The following PTPRT variants were observed in gnomAD, a reference collection of about 807,000 sequenced individuals.
The protein encoded by PTPRT is protein tyrosine phosphatase receptor type T.
PTPRT carries 56 observed loss-of-function variants against 176.8 expected under a neutral mutation model. The observed-to-expected ratio is 0.32, with a 90% confidence interval of 0.26 to 0.40. PTPRT has a LOEUF of 0.40. Among genes scored for constraint, PTPRT ranks in the 10% least tolerant of loss-of-function variants. The pLI is 1.00. For missense variants in PTPRT, 1,540 were observed against 1,908.2 expected (o/e 0.81, Z 3.60); for synonymous variants, 783 against 739.0 (o/e 1.06, Z -0.96).
At chr20:42,282,331 A>T (rs1355957382) in intron 13 of PTPRT, among the ~76,000 whole-genome samples, 158 bp downstream of exon 13, 1 of 152,086 alleles carries the variant, frequency 6.6e-6, no homozygotes, top group Non-Finnish European at 1.5e-5. Context: ...ACTAATATAC[A>T]CCCTAGAATG....
chr20:42,645,800 G>T (rs1341015472), intron 7 of PTPRT, among the ~76,000 whole-genome samples: 2 of 148,612 alleles, frequency 1.3e-5, no homozygotes, highest in Non-Finnish European at 1.5e-5. Flanking sequence ...GTGTGTGTGT[G>T]TGTAGGGAGG....
In PTPRT at chr20:42,639,920, A is replaced by T. The variant is rs527846110; in HGVS notation, c.1153+37946T>A. Among the ~76,000 whole-genome samples the T allele has an allele frequency of 3.3e-5, 5 of 152,230 alleles. No homozygotes were observed. In the South Asian group the frequency reaches 8.3e-4, roughly 25 times the overall value. On this transcript the variant is annotated intron_variant, in intron 7 of 30. Transcript: ENST00000373187. ...ATTGTCTACGCCGCTTCTGCTTTAC[A>T]AAATAACCAGAAAATCCCTCTCCCC...
intron 9 of PTPRT, among the ~76,000 whole-genome samples, chr20:42,397,038 C>T (rs2058857910): frequency 6.6e-6 from 1 of 152,156 alleles, no homozygotes; most frequent in South Asian, 2.1e-4. Flanking sequence ...TTTTACCTGA[C>T]AGCATTATTG....
intron 6 of PTPRT, among the ~76,000 whole-genome samples, chr20:42,729,979 A>G (rs895783822): frequency 6.6e-6 from 1 of 152,176 alleles, no homozygotes; most frequent in Non-Finnish European, 1.5e-5. Context: ...CTGTGCTATG[A>G]GCCCAGCATA....
chr20:42,227,600 GTTTTTTTT>G (rs10854224), intron 15 of PTPRT, among the ~76,000 whole-genome samples: 1 of 61,868 alleles, frequency 1.6e-5, no homozygotes, highest in Non-Finnish European at 2.8e-5. Flanking sequence ...GTCCCTCATT[GTTTTTTTT>G]TTTTTTTTTT....
At chr20:42,945,399 C>A (rs924908150) in intron 1 of PTPRT, among the ~76,000 whole-genome samples, 3 of 152,130 alleles carry the variant, frequency 2.0e-5, no homozygotes, top group African/African-American at 7.2e-5. Context: ...TTAAATCCGG[C>A]CACTGAGGAG....
At chr20:42,579,255 T>C (rs2073326854) in intron 7 of PTPRT, among the ~76,000 whole-genome samples, 1 of 152,110 alleles carries the variant, frequency 6.6e-6, no homozygotes, top group African/African-American at 2.4e-5. Flanking sequence ...TTTTTATGAC[T>C]GCATAGTATT....
intron 1 of PTPRT, among the ~76,000 whole-genome samples, chr20:43,074,007 A>G (rs1465601443): frequency 6.6e-6 from 1 of 152,030 alleles, no homozygotes; most frequent in Non-Finnish European, 1.5e-5. Context: ...TCTCACATCA[A>G]TCTCCCAAAG....
chr20:42,368,528 C>T (rs2058545232), intron 9 of PTPRT, among the ~76,000 whole-genome samples: 1 of 152,110 alleles, frequency 6.6e-6, no homozygotes, highest in African/African-American at 2.4e-5. Context: ...TAAAGTCACA[C>T]AAACTCTTTA....
At chr20:42,318,532 T>C (rs1381720861) in intron 11 of PTPRT, among the ~76,000 whole-genome samples, 1 of 152,182 alleles carries the variant, frequency 6.6e-6, no homozygotes, top group Non-Finnish European at 1.5e-5. Context: ...GACAACCTCT[T>C]GGGCTCTCCT....
intron 1 of PTPRT, among the ~76,000 whole-genome samples, chr20:43,123,235 A>C (rs2013330693): frequency 1.3e-5 from 2 of 152,214 alleles, no homozygotes; most frequent in South Asian, 4.1e-4. Context: ...GAGGTGGATA[A>C]ATCAACACAA....
intron 3 of PTPRT, among the ~76,000 whole-genome samples, chr20:42,788,079 C>T (rs1389503715): frequency 6.6e-6 from 1 of 152,056 alleles, no homozygotes; most frequent in Non-Finnish European, 1.5e-5. Flanking sequence ...TAATTTGTCT[C>T]AAAACATCTA....
rs510892 is a variant in PTPRT, at chr20:42,906,136, G to T, written c.89-20204C>A. Among the ~76,000 whole-genome samples the T allele has an allele frequency of 4.4e-3, 666 of 152,250 alleles. 6 individuals carry two copies. Among genetic ancestry groups the T allele is most frequent in the African/African-American group, 0.015 (624 of 41,546 alleles). ...AAACACACAAGCTGCTGGACGTCCA[G>T]AGGAACACATCAGCAGAAGAACCCA... On this transcript the variant is annotated intron_variant, in intron 1 of 30. Coordinates refer to ENST00000373187, the MANE Select transcript of PTPRT (RefSeq NM_007050.6).
At position 42,791,300 on chromosome 20, in the gene PTPRT, A is replaced by G. The variant is rs751516895; in HGVS notation, c.381T>C (p.Asn127=). The part of the protein sequence containing the change: ...PGALNVYVKV[N]GGPQGNPVWN... ...ACACAGGGTTCCCTTGGGGGCCACCATTCACCTTCACGTAGACGTTCAAGG... is the reference window on the plus strand; with the variant it reads ...ACACAGGGTTCCCTTGGGGGCCACCGTTCACCTTCACGTAGACGTTCAAGG... The change falls in exon 3 of 31, where the codon AAT becomes AAC. Residue 127 remains asparagine, a synonymous_variant. Transcript: ENST00000373187. 4.3e-6 allele frequency: 7 copies of G among 1,614,080 alleles called. No individual in the cohort carries two copies. Among genetic ancestry groups the G allele is most frequent in the Non-Finnish European group, 5.1e-6 (6 of 1,180,036 alleles).
chr20:42,949,823 C>A (rs1187511217), intron 1 of PTPRT, among the ~76,000 whole-genome samples: 1 of 152,130 alleles, frequency 6.6e-6, no homozygotes, highest in Non-Finnish European at 1.5e-5. Flanking sequence ...CTAAGCTCAC[C>A]CTGGCCAGAA....
At chr20:42,376,593 G>T (rs1433504323) in intron 9 of PTPRT, among the ~76,000 whole-genome samples, 2 of 152,142 alleles carry the variant, frequency 1.3e-5, no homozygotes, top group Admixed American at 1.3e-4. Context: ...CCCTTTCCAT[G>T]GCCCCTTCTG....
intron 1 of PTPRT, among the ~76,000 whole-genome samples, chr20:42,991,132 G>GT (rs1983890163): frequency 6.6e-6 from 1 of 152,132 alleles, no homozygotes; most frequent in Admixed American, 6.5e-5. Flanking sequence ...GCTGAAAACA[G>GT]TAAGAATTTG....
the PTPRT span, among the ~76,000 whole-genome samples, chr20:42,053,665 C>T: frequency 6.6e-6 from 1 of 152,238 alleles, no homozygotes; most frequent in Non-Finnish European, 1.5e-5. Context: ...AACAAACCCA[C>T]CTCCTGGGCC....
chr20:42,688,160 C>A (rs2075731046), intron 6 of PTPRT: 1 of 152,206 alleles, frequency 6.6e-6, no homozygotes, highest in African/African-American at 2.4e-5. Flanking sequence ...GACTGGGATG[C>A]TGGAAGAAGG....
Sources: allele counts gnomAD v4.1 joint callset (sites outside exome capture counted in the v4.1 genomes callset), GRCh38; gene constraint gnomAD v4.1.1; transcripts MANE v1.5; gene names NCBI Gene and HGNC (gene_info 2026-07-23, HGNC 2026-07-21).